Variants in RCC2 observed in about 807,000 individuals in gnomAD.
RCC2 encodes protein RCC2.
RCC2 carries 19 observed loss-of-function variants against 64.1 expected under a neutral mutation model. That is an observed-to-expected ratio of 0.30 (90% CI 0.21 to 0.44). The LOEUF is 0.44. Ranked by LOEUF, RCC2 falls within the 20% of genes least tolerant of loss-of-function variation. The pLI is 1.00. For missense variants in RCC2, 508 were observed against 710.4 expected, an observed-to-expected ratio of 0.72 and a Z score of 3.24; for synonymous variants, 325 against 279.6, an observed-to-expected ratio of 1.16 and a Z score of -1.62.
In RCC2 at chr1:17,416,453, C is replaced by CA. The variant is rs755774432; in HGVS notation, c.1026+26dup. On this transcript the variant is annotated intron_variant, in intron 8 of 12. Transcript: ENST00000375436. ...ACCCCTTCCATCCTGGTGCGACTCTCAGGAAGTGAGAAAAGCCGAGCCTCA... is the reference window on the plus strand; with the variant it reads ...ACCCCTTCCATCCTGGTGCGACTCTCAAGGAAGTGAGAAAAGCCGAGCCTCA... 1.9e-6 allele frequency: 3 copies of CA among 1,594,124 alleles called. No individual in the cohort carries two copies. The Admixed American group carries it at 5.1e-5, about 27-fold the overall frequency.
At position 17,407,792 on chromosome 1, in the gene RCC2, C is replaced by CA. The variant is rs1237923743; in HGVS notation, c.*1297dup. The CA allele has an allele frequency of 6.6e-6, 1 of 152,622 alleles. No homozygotes were observed. The highest frequency in any genetic ancestry group is 1.5e-5 in the Non-Finnish European group (1 of 68,028). The allele number at this position is 152,622 out of a possible 1,614,324, so 9.5% of individuals were successfully genotyped here. ...ACTTAAGTTCTAGTCCCATCTCCCC[C>CA]ATAAGCACCACTGAACTAAATATCT... On this transcript the variant is annotated 3_prime_UTR_variant, in exon 13 of 13. Coordinates refer to ENST00000375436, the MANE Select transcript of RCC2 (RefSeq NM_018715.4).
chr1:17,429,453 A>C (rs144693271), intron 2 of RCC2, among the ~76,000 whole-genome samples: 1 of 152,198 alleles, frequency 6.6e-6, no homozygotes, highest in African/African-American at 2.4e-5. Context: ...CTTCCCTTTA[A>C]AATAGCTTTT....
chr1:17,436,700 G>A (rs904647139), intron 2 of RCC2, among the ~76,000 whole-genome samples: 5 of 152,212 alleles, frequency 3.3e-5, no homozygotes, highest in African/African-American at 1.2e-4. Flanking sequence ...ACAGTCTGGA[G>A]CTGTACAGCT....
intron 1 of RCC2, 84 bp downstream of exon 1, chr1:17,439,461 T>TA (rs1162521763): frequency 1.4e-5 from 2 of 147,946 alleles, no homozygotes; most frequent in African/African-American, 4.9e-5. Context: ...GGTTTTTTTT[T>TA]AACCTTTTCT....
At chr1:17,409,226 G>T (rs371179585) in intron 12 of RCC2, 32 bp from the exon 13 acceptor site, 5 of 1,385,372 alleles carry the variant, frequency 3.6e-6, no homozygotes, top group Middle Eastern at 1.8e-4. Context: ...GGGTGTGCCT[G>T]AGGCGCCTGG....
At chr1:17,410,364 A>G (rs1248097041) in intron 11 of RCC2, among the ~76,000 whole-genome samples, 1 of 152,238 alleles carries the variant, frequency 6.6e-6, no homozygotes, top group Non-Finnish European at 1.5e-5. Flanking sequence ...AGATGACACC[A>G]CGAGTGCAGG....
At chr1:17,410,727 T>C (rs1343752843) in intron 11 of RCC2, among the ~76,000 whole-genome samples, 1 of 152,042 alleles carries the variant, frequency 6.6e-6, no homozygotes, top group Non-Finnish European at 1.5e-5. Flanking sequence ...ATGTCCCTGG[T>C]TTCATCTCCT....
At chr1:17,436,809 T>C (rs762181359) in intron 2 of RCC2, among the ~76,000 whole-genome samples, 39 of 152,236 alleles carry the variant, frequency 2.6e-4, no homozygotes, top group Non-Finnish European at 4.9e-4. Context: ...CCTTTCTTTT[T>C]AGTTTCATCC....
chr1:17,431,349 AAAAAAAAAAAATAT>A lies in RCC2; in HGVS notation c.286-2164_286-2151del, dbSNP rs1480575210. ...ACTCCATCTCAAAAAAAAAAAAAAA[AAAAAAAAAAAATAT>A]ATATATATATATATATATGTGGGCT... On this transcript the variant is annotated intron_variant, in intron 2 of 12. Coordinates refer to ENST00000375436, the MANE Select transcript of RCC2 (RefSeq NM_018715.4). Among the ~76,000 whole-genome samples, 16 of 51,866 alleles carry A rather than the reference AAAAAAAAAAAATAT, an allele frequency of 3.1e-4. 1 individual carries two copies. Among genetic ancestry groups the A allele is most frequent in the Non-Finnish European group, 6.2e-4 (16 of 25,736 alleles). 34.0% of individuals were successfully genotyped at this position (51,866 alleles called of 152,430 possible).
intron 2 of RCC2, among the ~76,000 whole-genome samples, chr1:17,430,676 T>C (rs935450451): frequency 2.0e-5 from 3 of 151,760 alleles, no homozygotes; most frequent in Admixed American, 6.6e-5. Flanking sequence ...TCGTCCCAGC[T>C]ACTCCAGAGG....
intron 3 of RCC2, among the ~76,000 whole-genome samples, chr1:17,426,559 G>A (rs1031289600): frequency 6.6e-6 from 1 of 151,846 alleles, no homozygotes; most frequent in Non-Finnish European, 1.5e-5. Context: ...GCCCACCACA[G>A]CTCTCTTCCT....
chr1:17,412,813 T>C (rs145339220), intron 10 of RCC2, among the ~76,000 whole-genome samples: 1 of 152,358 alleles, frequency 6.6e-6, no homozygotes, highest in Non-Finnish European at 1.5e-5. Context: ...CAAGCTCTGC[T>C]TGTTTATTTC....
chr1:17,426,759 CTTTTTT>C (rs146347066), intron 3 of RCC2, among the ~76,000 whole-genome samples: 8 of 110,028 alleles, frequency 7.3e-5, no homozygotes, highest in East Asian at 3.2e-4. Flanking sequence ...TCTTACTTTT[CTTTTTT>C]TTTTTTTTTT....
chr1:17,413,799 C>G, intron 8 of RCC2, 82 bp from the exon 9 acceptor site: 8 of 1,287,356 alleles, frequency 6.2e-6, no homozygotes, highest in Non-Finnish European at 8.7e-6. Flanking sequence ...GTGCAGACAA[C>G]CTGGTGCAAA....
rs72906431 is a variant in RCC2, at chr1:17,409,202, G to C, written c.1465-8C>G. The C allele has an allele frequency of 6.3e-7, 1 of 1,590,734 alleles. No homozygotes were observed. Among genetic ancestry groups the C allele is most frequent in the East Asian group, 2.2e-5 (1 of 44,766 alleles). The stretch of plus-strand genomic sequence containing the variant: ...TGAGTAGCCCATGGCGACCTGGGGG[G>C]ACAAATCAGCGTTGGGTGTGCCTGA... On this transcript the variant is annotated splice_polypyrimidine_tract_variant and splice_region_variant and intron_variant, in intron 12 of 12. Coordinates refer to ENST00000375436, the MANE Select transcript of RCC2 (RefSeq NM_018715.4).
rs536783186 is a variant in RCC2 at position 17,412,104 on chromosome 1, G to A, written c.1386+18C>T. ...GACTGGCTTCCACTTCCCCTGACCCGCACAGGTGACAGCTTACCAGTTCCC... is the reference window on the plus strand; with the variant it reads ...GACTGGCTTCCACTTCCCCTGACCCACACAGGTGACAGCTTACCAGTTCCC... On this transcript the variant is annotated intron_variant, in intron 11 of 12. Coordinates refer to ENST00000375436, the MANE Select transcript of RCC2 (RefSeq NM_018715.4). The A allele has an allele frequency of 1.1e-4, 176 of 1,613,090 alleles. 1 individual carries two copies. Among genetic ancestry groups the A allele is most frequent in the East Asian group, 1.6e-4 (7 of 44,866 alleles).
At chr1:17,413,474 A>G in intron 9 of RCC2, 63 bp downstream of exon 9, 1 of 1,531,302 alleles carries the variant, frequency 6.5e-7, no homozygotes, top group Non-Finnish European at 9.0e-7. Flanking sequence ...GTCTAGGGAC[A>G]GGACAATGGC....
chr1:17,419,517 C>T (rs187604214), intron 7 of RCC2, among the ~76,000 whole-genome samples: 177 of 152,274 alleles, frequency 1.2e-3, no homozygotes, highest in Non-Finnish European at 2.1e-3. Flanking sequence ...TGCCTTAAAG[C>T]AAGTAATACG....
intron 7 of RCC2, among the ~76,000 whole-genome samples, chr1:17,418,494 C>T (rs2075515518): frequency 6.6e-6 from 1 of 151,838 alleles, no homozygotes; most frequent in African/African-American, 2.4e-5. Context: ...CCGTCTCTAC[C>T]AAAAATACAA....
Sources: gnomAD v4.1 joint callset for allele counts (sites outside exome capture counted in the v4.1 genomes callset) on GRCh38, gnomAD v4.1.1 for gene constraint, MANE v1.5 for transcripts, NCBI Gene and HGNC (gene_info 2026-07-23, HGNC 2026-07-21) for gene names.